Variants in P2RX1 observed in about 807,000 individuals in gnomAD.
P2RX1 encodes the protein P2X purinoceptor 1.
P2RX1 carries 42 observed loss-of-function variants against 50.3 expected under a neutral mutation model. The ratio of observed to expected loss-of-function variants is 0.83; its 90% CI spans 0.65 to 1.08. The LOEUF (loss-of-function observed/expected upper bound fraction) is 1.08, where lower values mean the gene tolerates loss of function less well. Ranked by LOEUF, P2RX1 falls within the 50% of genes least tolerant of loss-of-function variation. P2RX1 has a pLI of 0.00. For synonymous variants in P2RX1, 199 were observed against 202.6 expected (o/e 0.98, Z 0.15); for missense variants, 449 against 529.0 (o/e 0.85, Z 1.48).
At chr17:3,915,214 T>A (rs1016399497) in intron 1 of P2RX1, 21 of 336,954 alleles carry the variant, frequency 6.2e-5, no homozygotes, top group South Asian at 4.5e-4. Context: ...TCACTGTGAG[T>A]GGACAAGATG....
chr17:3,897,551 G>A lies in P2RX1; in HGVS notation c.*263C>T. 1.7e-6 allele frequency: 1 copy of A among 575,536 alleles called. No individual in the cohort carries two copies. The allele number at this position is 575,536 out of a possible 1,614,324, so 35.7% of individuals were successfully genotyped here. On this transcript the variant is annotated 3_prime_UTR_variant, in exon 12 of 12. Transcript: ENST00000225538. ...GAAGCTAGGGTGCAGGTGTGTGGGA[G>A]GGTCCTGCCCAGCCCCAGCCATTCC...
At chr17:3,910,009 C>A (rs2056335880) in intron 1 of P2RX1, among the ~76,000 whole-genome samples, 1 of 135,852 alleles carries the variant, frequency 7.4e-6, no homozygotes, top group East Asian at 2.3e-4. Flanking sequence ...GAGTCTCGCT[C>A]TGTCCCCCAG....
At chr17:3,905,390 G>T (rs2144021959) in intron 1 of P2RX1, 23 bp from the exon 2 acceptor site, 1 of 1,612,730 alleles carries the variant, frequency 6.2e-7, no homozygotes. Context: ...GGACAGAGGG[G>T]GAGTTGTGGT....
At position 3,897,578 on chromosome 17, in the gene P2RX1, C is replaced by A. The variant is rs1461450815; in HGVS notation, c.*236G>T. 1.2e-5 allele frequency: 7 copies of A among 591,286 alleles called. No homozygotes were observed. The highest frequency in any genetic ancestry group is 6.1e-6 in the Non-Finnish European group (2 of 329,356). The allele number at this position is 591,286 out of a possible 1,614,324, so 36.6% of individuals were successfully genotyped here. ...GTCCTGCCCAGCCCCAGCCATTCCC[C>A]ACCAGGAGCGGCTGAGGCTAGGGTA... On this transcript the variant is annotated 3_prime_UTR_variant, in exon 12 of 12. Coordinates refer to ENST00000225538, the MANE Select transcript of P2RX1 (RefSeq NM_002558.4).
rs947597270 is a variant in P2RX1 at position 3,897,556 on chromosome 17, C to T, written c.*258G>A. Reference sequence around the variant, plus strand: ...TAGGGTGCAGGTGTGTGGGAGGGTCCTGCCCAGCCCCAGCCATTCCCCACC... The same window carrying T: ...TAGGGTGCAGGTGTGTGGGAGGGTCTTGCCCAGCCCCAGCCATTCCCCACC... On this transcript the variant is annotated 3_prime_UTR_variant, in exon 12 of 12. Transcript: ENST00000225538. The T allele has an allele frequency of 5.2e-6, 3 of 580,158 alleles. No homozygotes were observed. The African/African-American group carries it at 5.6e-5, about 11-fold the overall frequency. The allele number at this position is 580,158 out of a possible 1,614,324, so 35.9% of individuals were successfully genotyped here.
rs764404099 is a variant in P2RX1, at chr17:3,905,383, C to T, written c.138-16G>A. On this transcript the variant is annotated splice_polypyrimidine_tract_variant and intron_variant, in intron 1 of 11. Coordinates refer to ENST00000225538, the MANE Select transcript of P2RX1 (RefSeq NM_002558.4). ...AAACACCCACCTGTGCGGGTGGGGA[C>T]AGAGGGGGAGTTGTGGTTGTGGCAC... The T allele has an allele frequency of 6.2e-7, 1 of 1,612,996 alleles. No individual in the cohort carries two copies. Among genetic ancestry groups the T allele is most frequent in the South Asian group, 1.1e-5 (1 of 91,072 alleles).
chr17:3,897,820 T>C lies in P2RX1; in HGVS notation c.1194A>G (p.Thr398=). The change falls in exon 12 of 12, where the codon ACA becomes ACG. Residue 398 remains threonine, a synonymous_variant. Coordinates refer to ENST00000225538, the MANE Select transcript of P2RX1 (RefSeq NM_002558.4). ...STLGLQENMR[T]S ...AGGAGTTGGGGCCCGAGCATCAGGATGTCCTCATGTTCTCCTGCAGGCCCA... is the reference window on the plus strand; with the variant it reads ...AGGAGTTGGGGCCCGAGCATCAGGACGTCCTCATGTTCTCCTGCAGGCCCA... 6.2e-7 allele frequency: 1 copy of C among 1,612,982 alleles called. No individual in the cohort carries two copies. The highest frequency in any genetic ancestry group is 8.5e-7 in the Non-Finnish European group (1 of 1,179,918).
chr17:3,905,993 G>A (rs977920092), intron 1 of P2RX1, among the ~76,000 whole-genome samples: 4 of 152,216 alleles, frequency 2.6e-5, no homozygotes, highest in African/African-American at 9.6e-5. Context: ...TCCCAACAGA[G>A]CACGAAGGCT....
intron 7 of P2RX1, among the ~76,000 whole-genome samples, chr17:3,900,528 G>A (rs2056119308): frequency 6.6e-6 from 1 of 152,128 alleles, no homozygotes; most frequent in South Asian, 2.1e-4. Flanking sequence ...TTTTGGGGTA[G>A]AGGTCCTGTC....
At chr17:3,906,320 A>C (rs867582412) in intron 1 of P2RX1, among the ~76,000 whole-genome samples, 11 of 152,206 alleles carry the variant, frequency 7.2e-5, no homozygotes, top group African/African-American at 2.2e-4. Context: ...TTTAGTAGAG[A>C]TGGGGTTTCA....
chr17:3,899,504 G>T, intron 8 of P2RX1, 130 bp downstream of exon 8: 2 of 1,263,654 alleles, frequency 1.6e-6, no homozygotes, highest in South Asian at 1.2e-5. Flanking sequence ...TGGCCACCCA[G>T]GCAGAATGAG....
chr17:3,913,630 G>A (rs1198531887), intron 1 of P2RX1, among the ~76,000 whole-genome samples: 4 of 151,608 alleles, frequency 2.6e-5, no homozygotes, highest in Non-Finnish European at 5.9e-5. Flanking sequence ...CCATCTCTGA[G>A]TCTCGGGACC....
At chr17:3,909,948 T>C (rs1208630648) in intron 1 of P2RX1, among the ~76,000 whole-genome samples, 1 of 151,034 alleles carries the variant, frequency 6.6e-6, no homozygotes, top group Non-Finnish European at 1.5e-5. Context: ...CAATTTACAA[T>C]GTGGTGATGT....
At chr17:3,915,557 A>G in intron 1 of P2RX1, 1 of 456,696 alleles carries the variant, frequency 2.2e-6, no homozygotes, top group Non-Finnish European at 4.4e-6. Flanking sequence ...TCCGCCTGAC[A>G]TGCCAACATG....
At position 3,916,006 on chromosome 17, in the gene P2RX1, G is replaced by A. The variant is rs566950302; in HGVS notation, c.137+83C>T. ...GGATGGAGAGGAAGAGGGGCTCGCT[G>A]GTGTCACGCAAGGGATGTCAGAGTC... On this transcript the variant is annotated intron_variant, in intron 1 of 11. Transcript: ENST00000225538. The A allele has an allele frequency of 4.7e-6, 7 of 1,494,696 alleles. No homozygotes were observed. The Admixed American group carries it at 7.3e-5, about 16-fold the overall frequency. The allele number at this position is 1,494,696 out of a possible 1,614,324, so 92.6% of individuals were successfully genotyped here.
intron 7 of P2RX1, among the ~76,000 whole-genome samples, chr17:3,902,405 G>C (rs545152469): frequency 1.3e-5 from 2 of 148,702 alleles, no homozygotes; most frequent in East Asian, 4.0e-4. Context: ...GCGATTCTCC[G>C]GTCTCAGCCT....
chr17:3,911,331 C>T (rs2056359761), intron 1 of P2RX1, among the ~76,000 whole-genome samples: 1 of 151,870 alleles, frequency 6.6e-6, no homozygotes, highest in Admixed American at 6.6e-5. Flanking sequence ...GAATACGTCA[C>T]CAATCTCTAA....
chr17:3,899,519 G>C lies in P2RX1; in HGVS notation c.875+115C>G, dbSNP rs553536231. On this transcript the variant is annotated intron_variant, in intron 8 of 11. Coordinates refer to ENST00000225538, the MANE Select transcript of P2RX1 (RefSeq NM_002558.4). ...TGGCCACCCAGGCAGAATGAGAGCT[G>C]CCCAGGACCCTCTGCTCCCCTCTGG... is the stretch of plus-strand genomic sequence containing the variant. 2.5e-5 allele frequency: 36 copies of C among 1,417,652 alleles called. No homozygotes were observed. The African/African-American group carries it at 4.5e-4, about 18-fold the overall frequency. The allele number at this position is 1,417,652 out of a possible 1,614,324, so 87.8% of individuals were successfully genotyped here.
chr17:3,897,903 G>A (rs996141430), intron 11 of P2RX1, 24 bp from the exon 12 acceptor site: 1 of 1,613,620 alleles, frequency 6.2e-7, no homozygotes, highest in Admixed American at 1.7e-5. Context: ...GCAAGGGTTG[G>A]GGGATACAAG....
Sources: allele counts gnomAD v4.1 joint callset (sites outside exome capture counted in the v4.1 genomes callset), GRCh38; gene constraint gnomAD v4.1.1; transcripts MANE v1.5; gene names NCBI Gene and HGNC (gene_info 2026-07-23, HGNC 2026-07-21).